ZFHX4: variants seen among roughly 807,000 people sequenced by gnomAD.
The protein encoded by ZFHX4 is zinc finger homeobox 4.
A neutral mutation model predicts 267.6 loss-of-function variants in ZFHX4; 56 were observed. The observed-to-expected ratio is 0.21, with a 90% CI of 0.17 to 0.26. ZFHX4 has a LOEUF of 0.26. Among genes scored for constraint, ZFHX4 ranks in the 10% least tolerant of loss-of-function variants. ZFHX4 has a pLI of 1.00. For missense variants in ZFHX4, 4,332 were observed against 4,420.0 expected, an observed-to-expected ratio of 0.98 and a Z score of 0.56; for synonymous variants, 1,778 against 1,665.6, an observed-to-expected ratio of 1.07 and a Z score of -1.64.
chr8:76,866,842 G>A lies in ZFHX4; in HGVS notation c.*2277G>A, dbSNP rs941029967. ...ACTTTAACTGGATGGACGTTGTTAG[G>A]GTGAGAAATAAAAGGACAGCCTCCA... On this transcript the variant is annotated 3_prime_UTR_variant, in exon 11 of 11. Coordinates refer to ENST00000651372, the MANE Select transcript of ZFHX4 (RefSeq NM_024721.5). 6.6e-6 allele frequency: 1 copy of A among 152,498 alleles called. No homozygotes were observed. The highest frequency in any genetic ancestry group is 6.6e-5 in the Admixed American group (1 of 15,248). The allele number at this position is 152,498 out of a possible 1,614,324, so 9.4% of individuals were successfully genotyped here.
intron 4 of ZFHX4, among the ~76,000 whole-genome samples, chr8:76,791,369 T>C (rs1371210643): frequency 6.6e-6 from 1 of 152,268 alleles, no homozygotes; most frequent in Non-Finnish European, 1.5e-5. Flanking sequence ...ATCTGATGTA[T>C]TGAAGTTCAG....
At chr8:76,819,996 A>G (rs1423015387) in intron 4 of ZFHX4, among the ~76,000 whole-genome samples, 1 of 152,216 alleles carries the variant, frequency 6.6e-6, no homozygotes, top group African/African-American at 2.4e-5. Context: ...TGAGAACATT[A>G]CAAAAATATT....
At chr8:76,747,657 C>T (rs1809495072) in intron 3 of ZFHX4, among the ~76,000 whole-genome samples, 1 of 152,142 alleles carries the variant, frequency 6.6e-6, no homozygotes, top group African/African-American at 2.4e-5. Context: ...AAAGGCCAGG[C>T]ACAGTGGCTC....
chr8:76,684,564 GA>G (rs1486699827), intron 1 of ZFHX4, among the ~76,000 whole-genome samples: 1 of 152,160 alleles, frequency 6.6e-6, no homozygotes, highest in African/African-American at 2.4e-5. Flanking sequence ...AAATATGGGG[GA>G]AATATCATAA....
intron 3 of ZFHX4, among the ~76,000 whole-genome samples, chr8:76,742,541 C>T (rs1452497283): frequency 6.6e-6 from 1 of 152,098 alleles, no homozygotes; most frequent in African/African-American, 2.4e-5. Context: ...TCATTTAATG[C>T]ATAACTCATT....
At chr8:76,773,871 A>C (rs1585929979) in intron 3 of ZFHX4, among the ~76,000 whole-genome samples, 1 of 152,194 alleles carries the variant, frequency 6.6e-6, no homozygotes, top group East Asian at 1.9e-4. Context: ...CTCAGAATGC[A>C]TCATTTTAAG....
chr8:76,722,008 T>C (rs944053636), intron 3 of ZFHX4, among the ~76,000 whole-genome samples: 2 of 152,144 alleles, frequency 1.3e-5, no homozygotes, highest in African/African-American at 4.8e-5. Context: ...TGATGTAATA[T>C]TCGATGTTGA....
chr8:76,857,035 C>A (rs1812748099), intron 10 of ZFHX4, among the ~76,000 whole-genome samples: 1 of 152,138 alleles, frequency 6.6e-6, no homozygotes, highest in Non-Finnish European at 1.5e-5. Context: ...CTACTTAAGG[C>A]ATAACAAATT....
In ZFHX4 at chr8:76,865,393, A is replaced by G. The variant is rs1002574827; in HGVS notation, c.*828A>G. On this transcript the variant is annotated 3_prime_UTR_variant, in exon 11 of 11. Transcript: ENST00000651372. ...AGACTCTGAGGATTATGTGAACAGG[A>G]CATTTTTCATTTGTGAATTTAATGC... 5 of 152,594 alleles carry G rather than the reference A, an allele frequency of 3.3e-5. No individual in the cohort carries two copies. The highest frequency in any genetic ancestry group is 1.2e-4 in the African/African-American group (5 of 41,454). 9.5% of individuals were successfully genotyped at this position (152,594 alleles called of 1,614,324 possible).
Position 76,853,890 on chromosome 8 carries a change from G to A in ZFHX4, c.6969G>A (p.Arg2323=). ...AAAAGTGCAATGTGGTTTTCCCCAG[G>A]ATCTTTGACTTGATTACGCATCAGA... ...QCKKCNVVFP[R]IFDLITHQKK... is the part of the protein sequence containing the mutation. Residue 2323 remains arginine, a synonymous_variant, in exon 10 of 11, where the codon AGG becomes AGA. Coordinates refer to ENST00000651372, the MANE Select transcript of ZFHX4 (RefSeq NM_024721.5). 1 of 1,613,912 alleles carries A rather than the reference G, an allele frequency of 6.2e-7. No individual in the cohort carries two copies. Among genetic ancestry groups the A allele is most frequent in the Non-Finnish European group, 8.5e-7 (1 of 1,179,882 alleles).
chr8:76,763,309 G>A (rs571023922), intron 3 of ZFHX4, among the ~76,000 whole-genome samples: 3 of 152,276 alleles, frequency 2.0e-5, no homozygotes, highest in South Asian at 2.1e-4. Flanking sequence ...GATGTGTTTA[G>A]AATCATTAGC....
chr8:76,761,439 C>T (rs1340413921), intron 3 of ZFHX4, among the ~76,000 whole-genome samples: 2 of 152,150 alleles, frequency 1.3e-5, no homozygotes, highest in African/African-American at 4.8e-5. Flanking sequence ...CATGTAGTGG[C>T]CATGCCTCAG....
chr8:76,694,910 C>A (rs1807917263), intron 1 of ZFHX4, among the ~76,000 whole-genome samples: 1 of 151,852 alleles, frequency 6.6e-6, no homozygotes, highest in African/African-American at 2.4e-5. Context: ...TCCTCCCGTG[C>A]AATCACATCA....
At chr8:76,694,454 C>G (rs908898669) in intron 1 of ZFHX4, among the ~76,000 whole-genome samples, 1 of 152,118 alleles carries the variant, frequency 6.6e-6, no homozygotes, top group Non-Finnish European at 1.5e-5. Context: ...GGTTGGCCTG[C>G]CAATTGGTAA....
At chr8:76,747,780 A>T (rs1809499128) in intron 3 of ZFHX4, among the ~76,000 whole-genome samples, 2 of 152,084 alleles carry the variant, frequency 1.3e-5, no homozygotes, top group Non-Finnish European at 2.9e-5. Context: ...AAAAATACAA[A>T]AATTAGCTGG....
intron 3 of ZFHX4, among the ~76,000 whole-genome samples, chr8:76,720,528 C>T (rs559994894): frequency 6.6e-6 from 1 of 152,280 alleles, no homozygotes; most frequent in Non-Finnish European, 1.5e-5. Flanking sequence ...AGGGTATATA[C>T]ATAGCAGTGA....
At chr8:76,719,872 A>G (rs907151268) in intron 3 of ZFHX4, among the ~76,000 whole-genome samples, 3 of 152,154 alleles carry the variant, frequency 2.0e-5, no homozygotes, top group Admixed American at 6.6e-5. Context: ...GTTTTAAGAA[A>G]GCAGTTCTGC....
chr8:76,698,487 A>T (rs1808015429), intron 1 of ZFHX4, among the ~76,000 whole-genome samples: 1 of 152,104 alleles, frequency 6.6e-6, no homozygotes, highest in African/African-American at 2.4e-5. Flanking sequence ...TCTTCATCAC[A>T]TATGTTTAAT....
intron 3 of ZFHX4, among the ~76,000 whole-genome samples, chr8:76,734,961 T>A (rs191331013): frequency 8.5e-5 from 13 of 152,298 alleles, no homozygotes; most frequent in Non-Finnish European, 1.5e-4. Flanking sequence ...CAAAATTGTT[T>A]GAAGCATATT....
Sources: allele counts gnomAD v4.1 joint callset (sites outside exome capture counted in the v4.1 genomes callset), GRCh38; gene constraint gnomAD v4.1.1; transcripts MANE v1.5; gene names NCBI Gene and HGNC (gene_info 2026-07-23, HGNC 2026-07-21).